Variants in MUC4 observed in about 807,000 individuals in gnomAD.
The protein encoded by MUC4 is mucin-4.
In MUC4, 202 loss-of-function variants were observed where a neutral mutation model predicts 257.9. The ratio of observed to expected loss-of-function variants is 0.78; its 90% confidence interval spans 0.70 to 0.88. MUC4 has a LOEUF of 0.88. MUC4 is among the 40% of genes least tolerant of loss of function. The pLI, the probability that MUC4 is intolerant of heterozygous loss-of-function variation, is 0.00. For synonymous variants in MUC4, 2,351 were observed against 2,757.1 expected (o/e 0.85, Z 4.62); for missense variants, 5,976 against 6,513.7 (o/e 0.92, Z 2.84).
chr3:195,778,154 A>T, intron 3 of MUC4, 149 bp downstream of exon 3: 2 of 1,071,724 alleles, frequency 1.9e-6, no homozygotes, highest in Non-Finnish European at 2.6e-6. Flanking sequence ...GCACAAAGCC[A>T]GCCCTCAGGA....
Position 195,783,841 on chromosome 3 carries a change from G to C in MUC4, c.7739C>G (p.Thr2580Ser), listed in dbSNP as rs560841020. 35 of 1,492,896 alleles carry C rather than the reference G, an allele frequency of 2.3e-5. 1 individual carries two copies. Among genetic ancestry groups the C allele is most frequent in the Non-Finnish European group, 3.0e-5 (33 of 1,107,782 alleles). The allele number at this position is 1,492,896 out of a possible 1,614,324, so 92.5% of individuals were successfully genotyped here. Residue 2580 changes from threonine to serine, a missense_variant, in exon 2 of 25, where the codon ACC becomes AGC. By Grantham distance (58) the Thr-to-Ser change is moderately conservative. This residue lies in a region of MUC4 where 135 missense variants were observed against 114.7 expected (regional missense o/e 1.18). Coordinates refer to ENST00000463781, the MANE Select transcript of MUC4 (RefSeq NM_018406.7). ...ACCTGTGGATGCTGAGGAAGTGCTG[G>C]TGACAGGAAGAGGGGTGGCGTGACC... ...STGHATPLPV[T>S]STSSASTGDT...
At position 195,763,422 on chromosome 3, in the gene MUC4, C is replaced by G; in HGVS notation, c.14253+11G>C. On this transcript the variant is annotated intron_variant, in intron 12 of 24. Coordinates refer to ENST00000463781, the MANE Select transcript of MUC4 (RefSeq NM_018406.7). The stretch of plus-strand genomic sequence containing the variant: ...TGGAATGCAGGGAGGTTCCCGGCAC[C>G]CCTCACTCACCGTGACGGGGCCCAG... 1 of 1,404,226 alleles carries G rather than the reference C, an allele frequency of 7.1e-7. No homozygotes were observed. The highest frequency in any genetic ancestry group is 9.3e-7 in the Non-Finnish European group (1 of 1,075,614). The allele number at this position is 1,404,226 out of a possible 1,614,324, so 87.0% of individuals were successfully genotyped here.
At chr3:195,760,602 GTGA>G in intron 16 of MUC4, among the ~76,000 whole-genome samples, 1 of 62,160 alleles carries the variant, frequency 1.6e-5, no homozygotes, top group African/African-American at 4.8e-5. Flanking sequence ...CTAGTATGGA[GTGA>G]AGGGGGCTGG....
rs1220505953 is a variant in MUC4, at chr3:195,755,684, CACTT to C, written c.15169-1316_15169-1313del. The stretch of plus-strand genomic sequence containing the variant: ...ATCTCCCTAAAATGGAATCCTCTAA[CACTT>C]GCTACTCCCAAGAGTGGATATTTGG... On this transcript the variant is annotated intron_variant, in intron 18 of 24. Transcript: ENST00000463781. This position sits in a 1 kb window ranked among gnomAD's most constrained non-coding sequence, Gnocchi z 5.0. Among the ~76,000 whole-genome samples the C allele has an allele frequency of 2.0e-5, 3 of 152,178 alleles. No homozygotes were observed. Among genetic ancestry groups the C allele is most frequent in the African/African-American group, 7.2e-5 (3 of 41,438 alleles).
intron 4 of MUC4, 72 bp downstream of exon 4, chr3:195,774,100 G>T: frequency 6.8e-7 from 1 of 1,479,134 alleles, no homozygotes; most frequent in Non-Finnish European, 9.0e-7. Flanking sequence ...CTTCCTCTGG[G>T]TTCCGTCTCG....
intron 4 of MUC4, among the ~76,000 whole-genome samples, chr3:195,772,844 A>ACACCCTCTCCATCTCTCAGAGGTG (rs1723347613): frequency 4.3e-3 from 172 of 39,826 alleles, no homozygotes; most frequent in Middle Eastern, 0.021. Flanking sequence ...GCTCAGGGGT[A>ACACCCTCTCCATCTCTCAGAGGTG]TAGACACCCT....
chr3:195,789,151 G>T lies in MUC4; in HGVS notation c.2429C>A (p.Ala810Glu). Residue 810 changes from alanine to glutamate, a missense_variant, in exon 2 of 25, where the codon GCG becomes GAG. Coordinates refer to ENST00000463781, the MANE Select transcript of MUC4 (RefSeq NM_018406.7). Reference sequence around the variant, plus strand: ...GCTTCCTGAAGGTGTTGTGCCACTCGCCCCGGATGAGGAAGGGGTAGCTGT... The same window carrying T: ...GCTTCCTGAAGGTGTTGTGCCACTCTCCCCGGATGAGGAAGGGGTAGCTGT... Reference protein sequence around the residue: ...AGTATPSSSGASGTTPSGSEG... With the variant: ...AGTATPSSSGESGTTPSGSEG... 2 of 1,613,766 alleles carry T rather than the reference G, an allele frequency of 1.2e-6. No individual in the cohort carries two copies. Among genetic ancestry groups the T allele is most frequent in the Non-Finnish European group, 8.5e-7 (1 of 1,179,846 alleles).
Position 195,781,420 on chromosome 3 carries a change from G to T in MUC4, c.10160C>A (p.Thr3387Lys), listed in dbSNP as rs1383153738. ...LPVTDISSAS[T>K]GQATPLPVTN... is the part of the protein sequence containing the mutation. ...GACAGGAAGAGGGGTGGCCTGACCT[G>T]TGGATGCCGAGGAAATGTCGGTGAC... The change falls in exon 2 of 25, where the codon ACA (threonine) becomes AAA (lysine). Residue 3387 changes from threonine to lysine, a missense_variant. This residue lies in a region of MUC4 where 297 missense variants were observed against 240.9 expected (regional missense o/e 1.23). Coordinates refer to ENST00000463781, the MANE Select transcript of MUC4 (RefSeq NM_018406.7). 6.5e-7 allele frequency: 1 copy of T among 1,532,158 alleles called. No homozygotes were observed. Among genetic ancestry groups the T allele is most frequent in the Non-Finnish European group, 8.8e-7 (1 of 1,134,738 alleles). The allele number at this position is 1,532,158 out of a possible 1,614,324, so 94.9% of individuals were successfully genotyped here. A position where few individuals can be genotyped will look rare whatever the true frequency, so the allele number is the denominator to read the frequency against.
chr3:195,781,165 G>A lies in MUC4; in HGVS notation c.10415C>T (p.Pro3472Leu). The change falls in exon 2 of 25, where the codon CCT becomes CTT. Residue 3472 changes from proline (P) to leucine (L), a missense_variant. Transcript: ENST00000463781. ...TGAGGAAGGGCTGGTGACAGGAAGAGGGGTGGTGTCACCTGTGGATGCTGA... is the reference window on the plus strand; with the variant it reads ...TGAGGAAGGGCTGGTGACAGGAAGAAGGGTGGTGTCACCTGTGGATGCTGA... ...TSSASTGDTT[P>L]LPVTSPSSAS... The A allele has an allele frequency of 2.7e-6, 4 of 1,486,622 alleles. No individual in the cohort carries two copies. The highest frequency in any genetic ancestry group is 2.6e-5 in the South Asian group (2 of 75,868). The allele number at this position is 1,486,622 out of a possible 1,614,324, so 92.1% of individuals were successfully genotyped here.
At chr3:195,794,109 A>AATAATAATAATAAT (rs1553888499) in intron 1 of MUC4, among the ~76,000 whole-genome samples, 156 of 122,878 alleles carry the variant, frequency 1.3e-3, no homozygotes, top group Middle Eastern at 7.8e-3. Flanking sequence ...ATAATAATAA[A>AATAATAATAATAAT]AATAGATATT....
At chr3:195,806,461 C>T (rs3096337) in intron 1 of MUC4, among the ~76,000 whole-genome samples, 124,434 of 152,266 alleles carry the variant, frequency 0.82, 51,252 homozygotes, top group African/African-American at 0.9. Flanking sequence ...AGAACATTTC[C>T]GTAATTATTT....
In MUC4 at chr3:195,789,480, G is replaced by A. The variant is rs545224023; in HGVS notation, c.2100C>T (p.Thr700=). The change falls in exon 2 of 25, where the codon ACC becomes ACT. Residue 700 remains threonine (T), a synonymous_variant. Coordinates refer to ENST00000463781, the MANE Select transcript of MUC4 (RefSeq NM_018406.7). ...GGGCCTGGGTTGTGTGACCATCCCC[G>A]GTGGGAGCTGGGGCAAAGGTTGTTG... ...SAATTFAPAP[T]GDGHTTQAPT... is the part of the protein sequence containing the mutation. 3.4e-5 allele frequency: 55 copies of A among 1,613,982 alleles called. No individual in the cohort carries two copies. The highest frequency in any genetic ancestry group is 1.0e-4 in the Admixed American group (6 of 60,022).
chr3:195,748,765 A>G lies in MUC4; in HGVS notation c.16034+137T>C, dbSNP rs113297397. 5.0e-4 allele frequency: 604 copies of G among 1,209,090 alleles called. 4 individuals are homozygous for G. In the African/African-American group the frequency reaches 7.9e-3, roughly 16 times the overall value. 74.9% of individuals were successfully genotyped at this position (1,209,090 alleles called of 1,614,324 possible). A position where few individuals can be genotyped will look rare whatever the true frequency, so the allele number is the denominator to read the frequency against. Reference sequence around the variant, plus strand: ...TCTCCACACAGAGCAGGCACTCACAACTCTCCTTTTCCACTGTCCTCTCTT... The same window carrying G: ...TCTCCACACAGAGCAGGCACTCACAGCTCTCCTTTTCCACTGTCCTCTCTT... On this transcript the variant is annotated intron_variant, in intron 24 of 24. Transcript: ENST00000463781.
At chr3:195,800,346 A>G (rs1000338448) in intron 1 of MUC4, among the ~76,000 whole-genome samples, 1 of 152,152 alleles carries the variant, frequency 6.6e-6, no homozygotes, top group African/African-American at 2.4e-5. Context: ...CTTTATTTAG[A>G]GAACTTGCTC....
chr3:195,771,902 A>T, intron 4 of MUC4, 86 bp from the exon 5 acceptor site: 2 of 1,459,588 alleles, frequency 1.4e-6, no homozygotes, highest in Non-Finnish European at 1.9e-6. Context: ...CAAAAGCGTG[A>T]CCCCCAAGGG....
rs549398506 is a variant in MUC4 at position 195,789,203 on chromosome 3, A to C, written c.2377T>G (p.Ser793Ala). Reference protein sequence around the residue: ...GQTQTSEPASSGSRTTSAGTA... With the variant: ...GQTQTSEPASAGSRTTSAGTA... ...CCCGCTGAGGTGGTTCGTGACCCTG[A>C]GGAGGCCGGTTCGCTGGTCTGTGTT... The change falls in exon 2 of 25, where the codon TCA (serine) becomes GCA (alanine). Residue 793 changes from serine to alanine, a missense_variant. Ser to Ala is a moderately conservative substitution (Grantham distance 99). This residue lies in a region of MUC4 where 1,583 missense variants were observed against 1,257.4 expected (regional missense o/e 1.26). Coordinates refer to ENST00000463781, the MANE Select transcript of MUC4 (RefSeq NM_018406.7). The C allele has an allele frequency of 1.3e-5, 21 of 1,613,576 alleles. No individual in the cohort carries two copies. Among genetic ancestry groups the C allele is most frequent in the Non-Finnish European group, 1.6e-5 (19 of 1,179,820 alleles).
intron 1 of MUC4, among the ~76,000 whole-genome samples, chr3:195,802,464 G>C (rs1735467926): frequency 7.1e-6 from 1 of 140,518 alleles, no homozygotes; most frequent in Non-Finnish European, 1.6e-5. Context: ...TGCTGCTGCT[G>C]TCTCCTTAGC....
chr3:195,780,208 G>C lies in MUC4; in HGVS notation c.11372C>G (p.Thr3791Ser), dbSNP rs1467239030. ...DASSASTGDT[T>S]PLPVTDTSSA... ...GGAAGTGTCGGTGACAGGAAGAGGGGTGGTGTCACCTGTGGATGCTGAGGA... is the reference window on the plus strand; with the variant it reads ...GGAAGTGTCGGTGACAGGAAGAGGGCTGGTGTCACCTGTGGATGCTGAGGA... Residue 3791 changes from threonine to serine, a missense_variant, in exon 2 of 25, where the codon ACC becomes AGC. This residue lies in a region of MUC4 where 330 missense variants were observed against 262.0 expected (regional missense o/e 1.26). Coordinates refer to ENST00000463781, the MANE Select transcript of MUC4 (RefSeq NM_018406.7). The C allele has an allele frequency of 3.4e-6, 5 of 1,464,650 alleles. No homozygotes were observed. In the African/African-American group the frequency reaches 4.2e-5, roughly 12 times the overall value. 90.7% of individuals were successfully genotyped at this position (1,464,650 alleles called of 1,614,324 possible).
Position 195,760,468 on chromosome 3 carries a change from GGGGTCCA to G in MUC4, c.14848+409_14848+415del, listed in dbSNP as rs1167828100. ...GGGCTGGAGTGCAGGGAGCTGGGAAGGGGTCCAGCGCTAGGATGGAGTGGAGGGGGCT... is the reference window on the plus strand; with the variant it reads ...GGGCTGGAGTGCAGGGAGCTGGGAAGGCGCTAGGATGGAGTGGAGGGGGCT... On this transcript the variant is annotated intron_variant, in intron 16 of 24. Coordinates refer to ENST00000463781, the MANE Select transcript of MUC4 (RefSeq NM_018406.7). Among the ~76,000 whole-genome samples, 22 of 148,678 alleles carry G rather than the reference GGGGTCCA, an allele frequency of 1.5e-4. 4 individuals carry two copies. Among genetic ancestry groups the G allele is most frequent in the African/African-American group, 3.2e-4 (13 of 40,692 alleles).
Sources: gnomAD v4.1 joint callset for allele counts (sites outside exome capture counted in the v4.1 genomes callset) on GRCh38, gnomAD v4.1.1 for gene constraint, gnomAD v4.1.1 regional missense constraint, Gnocchi (gnomAD v3.1) non-coding constraint, MANE v1.5 for transcripts, NCBI Gene and HGNC (gene_info 2026-07-23, HGNC 2026-07-21) for gene names.